Variants in MYO16 observed in about 807,000 individuals in gnomAD.
The protein encoded by MYO16 is myosin XVI, also known as unconventional myosin-XVI.
A neutral mutation model predicts 205.3 loss-of-function variants in MYO16; 94 were observed. The observed-to-expected ratio is 0.46, with a 90% CI of 0.39 to 0.54. MYO16 has a LOEUF of 0.54. Ranked by LOEUF, MYO16 falls within the 20% of genes least tolerant of loss-of-function variation. The probability of loss-of-function intolerance (pLI) is 0.00; values close to 1 mark genes in which losing one functional copy is unlikely to be tolerated. For missense variants in MYO16, 2,315 were observed against 2,387.5 expected (o/e 0.97, Z 0.63); for synonymous variants, 988 against 954.0 (o/e 1.04, Z -0.66).
chr13:108,666,172 C>T (rs1406333560), intron 2 of MYO16, 23 bp downstream of exon 2: 3 of 1,566,530 alleles, frequency 1.9e-6, no homozygotes, highest in Admixed American at 3.6e-5. Context: ...AAAGAAGGAC[C>T]CGTTTTCTGA....
At chr13:109,101,429 T>C (rs1888963616) in intron 28 of MYO16, 1 of 152,818 alleles carries the variant, frequency 6.5e-6, no homozygotes, top group South Asian at 2.1e-4. Context: ...TTGGAAACAC[T>C]TTATTATAGT....
At chr13:109,031,547 C>T (rs1174766671) in intron 23 of MYO16, among the ~76,000 whole-genome samples, 2 of 152,154 alleles carry the variant, frequency 1.3e-5, no homozygotes, top group African/African-American at 4.8e-5. Flanking sequence ...ACCTTTTAAA[C>T]ATTTCTGTCC....
intron 15 of MYO16, among the ~76,000 whole-genome samples, chr13:108,907,562 A>C (rs1881050145): frequency 6.6e-6 from 1 of 152,156 alleles, no homozygotes; most frequent in Non-Finnish European, 1.5e-5. Context: ...GCATTTCTCC[A>C]TTTGAAAGAA....
chr13:109,179,497 A>T (rs199971369), intron 33 of MYO16, 45 bp from the exon 34 acceptor site: 1 of 1,245,726 alleles, frequency 8.0e-7, no homozygotes, highest in South Asian at 1.2e-5. Flanking sequence ...TTTATTTGGA[A>T]CAAGGAGACA....
chr13:108,967,841 TG>T (rs1883855148), intron 20 of MYO16, among the ~76,000 whole-genome samples: 1 of 152,120 alleles, frequency 6.6e-6, no homozygotes, highest in Non-Finnish European at 1.5e-5. Context: ...TCTAGGAAAA[TG>T]GGAAGCACTG....
intron 9 of MYO16, among the ~76,000 whole-genome samples, chr13:108,833,428 T>C (rs996082294): frequency 6.6e-6 from 1 of 152,160 alleles, no homozygotes; most frequent in Admixed American, 6.5e-5. Context: ...GAAAAATTGA[T>C]GTAGCTATGT....
At chr13:108,717,501 G>A (rs1176397426) in intron 3 of MYO16, among the ~76,000 whole-genome samples, 3 of 151,598 alleles carry the variant, frequency 2.0e-5, no homozygotes, top group Admixed American at 1.3e-4. Context: ...GTGGTGGTGG[G>A]CGCCTGTAAT....
Position 109,141,268 on chromosome 13 carries a change from A to G in MYO16, c.5056A>G (p.Ser1686Gly). 1 of 1,603,854 alleles carries G rather than the reference A, an allele frequency of 6.2e-7. No individual in the cohort carries two copies. Among genetic ancestry groups the G allele is most frequent in the South Asian group, 1.1e-5 (1 of 90,290 alleles). Residue 1686 changes from serine (S) to glycine (G), a missense_variant, in exon 32 of 35, where the codon AGC becomes GGC. Ser to Gly is a moderately conservative substitution (Grantham distance 56). This residue lies in a region of MYO16 where 1,097 missense variants were observed against 1,092.0 expected (regional missense o/e 1.00). Coordinates refer to ENST00000457511, the MANE Select transcript of MYO16 (RefSeq NM_001198950.3). The surrounding 1 kb of genome is among the most constrained non-coding windows in gnomAD (Gnocchi z 4.1). The part of the protein sequence containing the change: ...ASPPAPYSPP[S>G]SRPLSSPLDE... ...GCCCCCCGCGCCCTACAGCCCTCCCAGCTCCAGGCCTCTCAGCAGCCCCCT... is the reference window on the plus strand; with the variant it reads ...GCCCCCCGCGCCCTACAGCCCTCCCGGCTCCAGGCCTCTCAGCAGCCCCCT...
chr13:108,809,311 C>T (rs12583631), intron 7 of MYO16, among the ~76,000 whole-genome samples: 30,504 of 152,098 alleles, frequency 0.2, 3,641 homozygotes, highest in African/African-American at 0.33. Context: ...TATTTTCTCA[C>T]GCATTTGATT....
chr13:109,196,061 A>C (rs1429875505), intron 34 of MYO16, among the ~76,000 whole-genome samples: 1 of 152,186 alleles, frequency 6.6e-6, no homozygotes, highest in African/African-American at 2.4e-5. Context: ...AAATAAGTGA[A>C]CTAATTACAA....
chr13:108,873,037 C>T (rs1259113618), intron 12 of MYO16, among the ~76,000 whole-genome samples: 1 of 152,098 alleles, frequency 6.6e-6, no homozygotes, highest in African/African-American at 2.4e-5. Context: ...AATATTAGTG[C>T]CTAGTAAATA....
chr13:108,510,456 T>C, the MYO16 span, among the ~76,000 whole-genome samples: 4 of 90,328 alleles, frequency 4.4e-5, no homozygotes, highest in African/African-American at 8.5e-5. Flanking sequence ...TTAACATTGA[T>C]AGCTGTTTTT....
chr13:108,761,907 C>G (rs1885621412), intron 4 of MYO16, among the ~76,000 whole-genome samples: 1 of 152,166 alleles, frequency 6.6e-6, no homozygotes, highest in Non-Finnish European at 1.5e-5. Flanking sequence ...TTGCTACATA[C>G]ATTGATTTCA....
intron 34 of MYO16, among the ~76,000 whole-genome samples, chr13:109,183,309 G>A (rs1474708331): frequency 6.6e-6 from 1 of 152,140 alleles, no homozygotes; most frequent in Non-Finnish European, 1.5e-5. Context: ...CGACTCAGAG[G>A]GCCAGGTAAC....
intron 32 of MYO16, among the ~76,000 whole-genome samples, chr13:109,160,375 A>G (rs1204587549): frequency 6.6e-6 from 1 of 152,218 alleles, no homozygotes; most frequent in Non-Finnish European, 1.5e-5. Flanking sequence ...GTAATTAATA[A>G]TCATATCTTA....
chr13:108,556,393 C>G, the MYO16 span, among the ~76,000 whole-genome samples: 1 of 151,908 alleles, frequency 6.6e-6, no homozygotes, highest in Non-Finnish European at 1.5e-5. Context: ...TGAGTTTGAG[C>G]CTTTTTTTTG....
At chr13:108,726,765 T>G (rs935391014) in intron 3 of MYO16, among the ~76,000 whole-genome samples, 10 of 152,104 alleles carry the variant, frequency 6.6e-5, no homozygotes, top group African/African-American at 2.4e-4. Flanking sequence ...TATACAATAT[T>G]TACCTGAGTT....
At chr13:108,596,778 G>T (rs984566571) in intron 1 of MYO16, among the ~76,000 whole-genome samples, 5 of 151,948 alleles carry the variant, frequency 3.3e-5, no homozygotes, top group African/African-American at 1.2e-4. Flanking sequence ...TGTACTTTTG[G>T]TAAAAACAGT....
chr13:108,867,792 C>A (rs1878793327), intron 12 of MYO16, among the ~76,000 whole-genome samples: 1 of 152,166 alleles, frequency 6.6e-6, no homozygotes, highest in Non-Finnish European at 1.5e-5. Flanking sequence ...TTAGCAGGAT[C>A]ATAGATGTCT....
Sources: gnomAD v4.1 joint callset for allele counts (sites outside exome capture counted in the v4.1 genomes callset) on GRCh38, gnomAD v4.1.1 for gene constraint, gnomAD v4.1.1 regional missense constraint, Gnocchi (gnomAD v3.1) non-coding constraint, MANE v1.5 for transcripts, NCBI Gene and HGNC (gene_info 2026-07-23, HGNC 2026-07-21) for gene names.